GMDS: variants seen among roughly 807,000 people sequenced by gnomAD.
The protein encoded by GMDS is GDP-mannose 4,6 dehydratase.
Under a neutral mutation model 49.9 loss-of-function variants are expected in GMDS, and 20 were observed. The ratio of observed to expected loss-of-function variants is 0.40; its 90% CI spans 0.28 to 0.58. The LOEUF is 0.58. GMDS is among the 20% of genes least tolerant of loss of function. The pLI, the probability that GMDS is intolerant of heterozygous loss-of-function variation, is 0.42. For synonymous variants in GMDS, 177 were observed against 178.6 expected, an observed-to-expected ratio of 0.99 and a Z score of 0.07; for missense variants, 362 against 481.4, an observed-to-expected ratio of 0.75 and a Z score of 2.32.
chr6:1,974,446 G>T (rs1764783506), intron 4 of GMDS, among the ~76,000 whole-genome samples: 1 of 152,118 alleles, frequency 6.6e-6, no homozygotes, highest in Admixed American at 6.6e-5. Context: ...ACAGAGAGAA[G>T]GCTGCTAGAG....
At chr6:2,222,110 T>C (rs187837921) in intron 1 of GMDS, among the ~76,000 whole-genome samples, 14 of 152,384 alleles carry the variant, frequency 9.2e-5, no homozygotes, top group African/African-American at 3.4e-4. Context: ...GCGACTAGTA[T>C]GCTGAAGTCT....
intron 7 of GMDS, among the ~76,000 whole-genome samples, chr6:1,838,248 A>G (rs1263799385): frequency 2.0e-5 from 3 of 152,214 alleles, no homozygotes; most frequent in Non-Finnish European, 4.4e-5. Flanking sequence ...TCCCTTTACA[A>G]CTAAGTGAAT....
At chr6:2,066,275 C>T (rs1166134987) in intron 4 of GMDS, among the ~76,000 whole-genome samples, 1 of 149,956 alleles carries the variant, frequency 6.7e-6, no homozygotes, top group Non-Finnish European at 1.5e-5. Context: ...AAGCGCTAAA[C>T]ATGGAAAGGA....
At chr6:2,107,132 A>G (rs1774289078) in intron 4 of GMDS, among the ~76,000 whole-genome samples, 1 of 152,222 alleles carries the variant, frequency 6.6e-6, no homozygotes, top group Non-Finnish European at 1.5e-5. Context: ...TGGTCCACTA[A>G]TTAATTATGA....
At chr6:1,785,106 C>T (rs959482006) in intron 7 of GMDS, among the ~76,000 whole-genome samples, 4 of 152,106 alleles carry the variant, frequency 2.6e-5, no homozygotes, top group South Asian at 2.1e-4. Flanking sequence ...TATAGTAACA[C>T]CTCAAAGTCT....
intron 7 of GMDS, among the ~76,000 whole-genome samples, chr6:1,851,975 G>A (rs1012510416): frequency 6.6e-6 from 1 of 151,998 alleles, no homozygotes; most frequent in Non-Finnish European, 1.5e-5. Flanking sequence ...CCCTATCACT[G>A]GCAGGGAGAG....
intron 7 of GMDS, among the ~76,000 whole-genome samples, chr6:1,901,016 C>A (rs1203546530): frequency 6.6e-6 from 1 of 152,210 alleles, no homozygotes; most frequent in African/African-American, 2.4e-5. Context: ...CATTTACTAG[C>A]AAGAAAGGCA....
intron 9 of GMDS, among the ~76,000 whole-genome samples, chr6:1,639,078 G>A (rs1399547388): frequency 6.6e-6 from 1 of 152,220 alleles, no homozygotes; most frequent in African/African-American, 2.4e-5. Flanking sequence ...GTCTGCGGCA[G>A]GCAACAAGGG....
intron 7 of GMDS, among the ~76,000 whole-genome samples, chr6:1,792,564 C>T (rs226453): frequency 0.49 from 74,548 of 151,962 alleles, 20,307 homozygotes; most frequent in African/African-American, 0.75. Flanking sequence ...TACACCTTCA[C>T]CTTTCTTGAT....
At chr6:2,178,928 T>C (rs572957102) in intron 1 of GMDS, among the ~76,000 whole-genome samples, 1 of 152,236 alleles carries the variant, frequency 6.6e-6, no homozygotes, top group South Asian at 2.1e-4. Context: ...CAAATGGAGA[T>C]GTCATTATCA....
At chr6:2,024,665 G>A (rs191342620) in intron 4 of GMDS, among the ~76,000 whole-genome samples, 35 of 151,860 alleles carry the variant, frequency 2.3e-4, no homozygotes, top group African/African-American at 8.0e-4. Flanking sequence ...AAAAGGAAAT[G>A]AAGAAAATTC....
chr6:2,195,698 AAGGTTGGGTATGGCAGCT>A, intron 1 of GMDS, among the ~76,000 whole-genome samples: 1 of 152,108 alleles, frequency 6.6e-6, no homozygotes, highest in African/African-American at 2.4e-5. Context: ...CCATGGCAAC[AAGGTTGGGTATGGCAGCT>A]CATGCCTATA....
At chr6:1,959,772 T>C (rs755751389) in intron 6 of GMDS, 95 bp downstream of exon 6, 90 of 533,630 alleles carry the variant, frequency 1.7e-4, no homozygotes, top group Admixed American at 1.0e-3. Context: ...GATAGGAAAT[T>C]TTTCAGTCTC....
intron 4 of GMDS, among the ~76,000 whole-genome samples, chr6:2,110,759 G>A (rs1412456407): frequency 3.9e-5 from 6 of 152,146 alleles, no homozygotes; most frequent in Admixed American, 3.9e-4. Flanking sequence ...CTTACACAGA[G>A]ACTTGAAAAG....
At chr6:2,245,017 G>T (rs944194322) in intron 1 of GMDS, among the ~76,000 whole-genome samples, 1 of 152,208 alleles carries the variant, frequency 6.6e-6, no homozygotes, top group Admixed American at 6.5e-5. Flanking sequence ...AGGAAGAGAC[G>T]CTGCGGTCAC....
intron 6 of GMDS, among the ~76,000 whole-genome samples, chr6:1,955,342 A>T (rs769025344): frequency 6.6e-5 from 10 of 152,200 alleles, no homozygotes; most frequent in Non-Finnish European, 1.0e-4. Flanking sequence ...TTTTTATTTT[A>T]AAAAACTGAG....
At chr6:1,962,992 T>C (rs1044424677) in intron 4 of GMDS, among the ~76,000 whole-genome samples, 4 of 151,144 alleles carry the variant, frequency 2.6e-5, no homozygotes, top group African/African-American at 9.7e-5. Flanking sequence ...TTTTCCTGCC[T>C]CAGCCTCCTG....
chr6:2,012,928 A>T (rs184515142), intron 4 of GMDS, among the ~76,000 whole-genome samples: 1 of 152,308 alleles, frequency 6.6e-6, no homozygotes, highest in Admixed American at 6.5e-5. Flanking sequence ...GGTCTCCCTA[A>T]CAAAAACTTG....
At chr6:1,849,760 G>A (rs1030364234) in intron 7 of GMDS, among the ~76,000 whole-genome samples, 2 of 152,102 alleles carry the variant, frequency 1.3e-5, no homozygotes, top group African/African-American at 2.4e-5. Context: ...TATGTCTAGA[G>A]ACTCGACAGA....
Sources: allele counts gnomAD v4.1 joint callset (sites outside exome capture counted in the v4.1 genomes callset), GRCh38; gene constraint gnomAD v4.1.1; transcripts MANE v1.5; gene names NCBI Gene and HGNC (gene_info 2026-07-23, HGNC 2026-07-21).